DOCK10: variants seen among roughly 807,000 people sequenced by gnomAD.
DOCK10 encodes dedicator of cytokinesis protein 10.
In DOCK10, 145 loss-of-function variants were observed where a neutral mutation model predicts 280.1. The ratio of observed to expected loss-of-function variants is 0.52; its 90% CI spans 0.45 to 0.59. The LOEUF (loss-of-function observed/expected upper bound fraction) is 0.59, where lower values mean the gene tolerates loss of function less well. Among genes scored for constraint, DOCK10 ranks in the 20% least tolerant of loss-of-function variants. The pLI is 0.00. For missense variants in DOCK10, 2,368 were observed against 2,651.7 expected (o/e 0.89, Z 2.35); for synonymous variants, 915 against 942.2 (o/e 0.97, Z 0.53).
intron 1 of DOCK10, among the ~76,000 whole-genome samples, chr2:225,018,345 G>C (rs935416272): frequency 3.1e-4 from 47 of 151,528 alleles, no homozygotes; most frequent in African/African-American, 1.1e-3. Context: ...ACTGAAATAG[G>C]GGCCGAGTGA....
At chr2:225,005,256 T>A (rs553169224) in intron 1 of DOCK10, among the ~76,000 whole-genome samples, 1 of 152,252 alleles carries the variant, frequency 6.6e-6, no homozygotes, top group Non-Finnish European at 1.5e-5. Flanking sequence ...TTATCCCATA[T>A]ACATGGATAA....
At chr2:224,902,483 T>C (rs1700354100) in intron 3 of DOCK10, among the ~76,000 whole-genome samples, 1 of 152,214 alleles carries the variant, frequency 6.6e-6, no homozygotes, top group East Asian at 1.9e-4. Flanking sequence ...GGCTATTGTA[T>C]AAATGTTGAA....
intron 1 of DOCK10, among the ~76,000 whole-genome samples, chr2:224,998,912 T>C (rs1706349168): frequency 6.6e-6 from 1 of 152,122 alleles, no homozygotes; most frequent in African/African-American, 2.4e-5. Context: ...TATAGCCGGG[T>C]GTGGTGGCTC....
chr2:224,931,602 A>G lies in DOCK10; in HGVS notation c.190T>C (p.Tyr64His). 2 of 1,612,142 alleles carry G rather than the reference A, an allele frequency of 1.2e-6. No individual in the cohort carries two copies. Among genetic ancestry groups the G allele is most frequent in the East Asian group, 2.2e-5 (1 of 44,860 alleles). ...AGATCTTGAAGAGGATCATTCCGGT[A>G]GGTCTTTTCAAGTTCTTCAATGACA... ...ETVIEELEKTYRNDPLQDLLF... is the reference protein window; with the variant it reads ...ETVIEELEKTHRNDPLQDLLF... The change falls in exon 2 of 56, where the codon TAC (tyrosine) becomes CAC (histidine). Residue 64 changes from tyrosine (Y) to histidine (H), a missense_variant. Physicochemically the swap from Tyr to His is moderately conservative, Grantham distance 83. Transcript: ENST00000258390.
intron 3 of DOCK10, among the ~76,000 whole-genome samples, chr2:224,907,272 T>A (rs979130613): frequency 6.6e-6 from 1 of 152,188 alleles, no homozygotes; most frequent in Non-Finnish European, 1.5e-5. Flanking sequence ...TTTATACTTA[T>A]AATTTGCTGT....
intron 16 of DOCK10, 23 bp from the exon 17 acceptor site, chr2:224,853,145 G>C: frequency 6.5e-7 from 1 of 1,535,632 alleles, no homozygotes; most frequent in Non-Finnish European, 8.8e-7. Context: ...GAAAATAAGA[G>C]TTTGTCATTT....
intron 30 of DOCK10, 58 bp from the exon 31 acceptor site, chr2:224,814,422 T>C: frequency 1.1e-6 from 1 of 939,072 alleles, no homozygotes. Context: ...CAGATACATA[T>C]GTATTCATTA....
chr2:224,803,366 C>T (rs994589199), intron 39 of DOCK10, among the ~76,000 whole-genome samples: 3 of 151,922 alleles, frequency 2.0e-5, no homozygotes, highest in Non-Finnish European at 2.9e-5. Context: ...ATGATTTATT[C>T]GCTATGTACG....
chr2:224,825,808 T>C (rs1222364142), intron 27 of DOCK10, among the ~76,000 whole-genome samples: 1 of 152,142 alleles, frequency 6.6e-6, no homozygotes, highest in Non-Finnish European at 1.5e-5. Flanking sequence ...ATTTTTTGTC[T>C]CAGGAGATGA....
chr2:225,021,754 C>T (rs925835118), intron 1 of DOCK10, among the ~76,000 whole-genome samples: 7 of 152,156 alleles, frequency 4.6e-5, no homozygotes, highest in African/African-American at 1.7e-4. Context: ...TCCTCTGTCT[C>T]TTCTCCAAGA....
At chr2:224,998,920 C>G (rs534886044) in intron 1 of DOCK10, among the ~76,000 whole-genome samples, 1 of 152,162 alleles carries the variant, frequency 6.6e-6, no homozygotes, top group South Asian at 2.1e-4. Flanking sequence ...GGTGTGGTGG[C>G]TCACATCTGT....
At chr2:224,783,667 A>T (rs888666869) in intron 50 of DOCK10, among the ~76,000 whole-genome samples, 3 of 152,118 alleles carry the variant, frequency 2.0e-5, no homozygotes, top group African/African-American at 7.2e-5. Context: ...AGTCTGAAAG[A>T]AGAATAAAGT....
At chr2:224,832,319 G>C (rs1695289991) in intron 26 of DOCK10, among the ~76,000 whole-genome samples, 1 of 152,064 alleles carries the variant, frequency 6.6e-6, no homozygotes, top group South Asian at 2.1e-4. Context: ...CTGTTCTGTG[G>C]TTCGTTTATG....
intron 4 of DOCK10, among the ~76,000 whole-genome samples, chr2:224,895,813 T>TTGTGTGTG (rs1300628923): frequency 1.1e-4 from 13 of 115,334 alleles, no homozygotes; most frequent in African/African-American, 5.1e-4. Flanking sequence ...TTCCTTTTGG[T>TTGTGTGTG]TGTGTGTGTG....
chr2:224,783,077 T>A (rs1691467810), intron 50 of DOCK10, among the ~76,000 whole-genome samples: 1 of 152,146 alleles, frequency 6.6e-6, no homozygotes, highest in Non-Finnish European at 1.5e-5. Flanking sequence ...ACTCTCCATG[T>A]GGTGTCTTGA....
intron 18 of DOCK10, 54 bp downstream of exon 18, chr2:224,852,323 T>A: frequency 7.3e-7 from 1 of 1,373,988 alleles, no homozygotes; most frequent in Non-Finnish European, 1.0e-6. Context: ...GTGGAAAGAA[T>A]CCCTGCACCT....
intron 1 of DOCK10, among the ~76,000 whole-genome samples, chr2:224,940,660 A>G (rs1702990640): frequency 1.3e-5 from 2 of 152,214 alleles, no homozygotes; most frequent in Admixed American, 6.5e-5. Context: ...CTAATTTTCC[A>G]TTAAGCCTTA....
At chr2:224,982,626 G>A (rs1705809011) in intron 1 of DOCK10, 1 of 596,146 alleles carries the variant, frequency 1.7e-6, no homozygotes, top group Non-Finnish European at 2.1e-6. Flanking sequence ...CACATCGAGA[G>A]CATGTTTCCT....
intron 3 of DOCK10, among the ~76,000 whole-genome samples, chr2:224,912,165 A>C (rs1351561505): frequency 2.8e-5 from 4 of 144,788 alleles, no homozygotes; most frequent in Non-Finnish European, 6.0e-5. Context: ...TTTTGAGTGG[A>C]GTTTTGCTCT....
Sources: allele counts gnomAD v4.1 joint callset (sites outside exome capture counted in the v4.1 genomes callset), GRCh38; gene constraint gnomAD v4.1.1; transcripts MANE v1.5; gene names NCBI Gene and HGNC (gene_info 2026-07-23, HGNC 2026-07-21).